Variants in GRAMD4 observed in about 807,000 individuals in gnomAD.
GRAMD4 encodes the protein GRAM domain containing 4.
A neutral mutation model predicts 83.9 loss-of-function variants in GRAMD4; 25 were observed. That is an observed-to-expected ratio of 0.30 (90% CI 0.22 to 0.42). The LOEUF (loss-of-function observed/expected upper bound fraction) is 0.42. Ranked by LOEUF, GRAMD4 falls within the 10% of genes least tolerant of loss-of-function variation. GRAMD4 has a pLI of 1.00. For missense variants in GRAMD4, 593 were observed against 788.7 expected, an observed-to-expected ratio of 0.75 and a Z score of 2.97; for synonymous variants, 336 against 320.9, an observed-to-expected ratio of 1.05 and a Z score of -0.50.
chr22:46,668,237 G>T, intron 11 of GRAMD4, 70 bp downstream of exon 11: 1 of 1,092,142 alleles, frequency 9.2e-7, no homozygotes, highest in Non-Finnish European at 1.4e-6. Flanking sequence ...GTGTGTCTAC[G>T]CCGGCCAGGG....
chr22:46,641,802 C>A (rs1269557692), intron 3 of GRAMD4, among the ~76,000 whole-genome samples: 1 of 152,212 alleles, frequency 6.6e-6, no homozygotes. Context: ...TGGTCATTTT[C>A]TACTTCCGCT....
rs188439208 is a variant in GRAMD4, at chr22:46,649,368, C to G, written c.284-8819C>G. On this transcript the variant is annotated intron_variant, in intron 3 of 18. Transcript: ENST00000406902. The stretch of plus-strand genomic sequence containing the variant: ...GGGATGGCACGTGCTGTCGAGCACA[C>G]GACTCTCCTGGCTCCGTGCTGGGCC... Among the ~76,000 whole-genome samples the G allele has an allele frequency of 4.0e-4, 61 of 152,284 alleles. No individual in the cohort carries two copies. In the South Asian group the frequency reaches 0.012, roughly 31 times the overall value.
At position 46,665,645 on chromosome 22, in the gene GRAMD4, G is replaced by A; in HGVS notation, c.748G>A (p.Ala250Thr). 1 of 1,605,178 alleles carries A rather than the reference G, an allele frequency of 6.2e-7. No individual in the cohort carries two copies. Among genetic ancestry groups the A allele is most frequent in the Non-Finnish European group, 8.5e-7 (1 of 1,172,536 alleles). ...VYMNAVWHGWAIPLFLFLAIL... is the reference protein window; with the variant it reads ...VYMNAVWHGWTIPLFLFLAIL... ...CATGAATGCCGTGTGGCATGGCTGGGCCATCCCATTGTTCTTATTTCTAGC... is the reference window on the plus strand; with the variant it reads ...CATGAATGCCGTGTGGCATGGCTGGACCATCCCATTGTTCTTATTTCTAGC... The change falls in exon 9 of 19, where the codon GCC (alanine) becomes ACC (threonine). Residue 250 changes from alanine to threonine, a missense_variant. Physicochemically the swap from Ala to Thr is moderately conservative, Grantham distance 58 (BLOSUM62 0). Around this residue, in one of 4 missense-constraint regions of GRAMD4, gnomAD observed 312 missense variants for 350.7 expected, o/e 0.89. Coordinates refer to ENST00000406902, the MANE Select transcript of GRAMD4 (RefSeq NM_015124.5).
At chr22:46,585,593 C>T (rs1324172924) in intron 1 of GRAMD4, among the ~76,000 whole-genome samples, 1 of 152,268 alleles carries the variant, frequency 6.6e-6, no homozygotes, top group Admixed American at 6.5e-5. Flanking sequence ...GACTTTCACC[C>T]TTGTGTTCGC....
chr22:46,669,444 C>T (rs371303383), intron 13 of GRAMD4, among the ~76,000 whole-genome samples: 2 of 111,930 alleles, frequency 1.8e-5, no homozygotes, highest in African/African-American at 8.3e-5. Flanking sequence ...GGTGTGGTGG[C>T]CCCCCCTCAC....
intron 2 of GRAMD4, 146 bp from the exon 3 acceptor site, chr22:46,637,694 C>T: frequency 1.3e-6 from 1 of 768,580 alleles, no homozygotes; most frequent in East Asian, 2.7e-5. Flanking sequence ...CTGCGTCGTC[C>T]CCATGTCCAG....
intron 1 of GRAMD4, among the ~76,000 whole-genome samples, chr22:46,624,345 T>C (rs1007464350): frequency 8.7e-5 from 12 of 137,900 alleles, no homozygotes; most frequent in African/African-American, 3.1e-4. Context: ...TTTTTTTTTT[T>C]TTTTCTGAGA....
intron 4 of GRAMD4, among the ~76,000 whole-genome samples, chr22:46,660,351 G>A (rs1290122571): frequency 1.3e-5 from 2 of 152,112 alleles, no homozygotes; most frequent in Non-Finnish European, 2.9e-5. Flanking sequence ...AAGGAGGAGG[G>A]GTGAAGGAAG....
chr22:46,678,936 C>T lies in GRAMD4; in HGVS notation c.*1685C>T. The T allele has an allele frequency of 1.0e-6, 1 of 985,840 alleles. No individual in the cohort carries two copies. The highest frequency in any genetic ancestry group is 4.7e-5 in the South Asian group (1 of 21,290). 61.1% of individuals were successfully genotyped at this position (985,840 alleles called of 1,614,324 possible). ...TGCGCGGACGTTGGCGTCAGGATGA[C>T]CACACGGCGGCCTTTCCCGAATGGG... On this transcript the variant is annotated 3_prime_UTR_variant, in exon 19 of 19. Transcript: ENST00000406902.
At chr22:46,577,932 G>A (rs548951074) in intron 1 of GRAMD4, among the ~76,000 whole-genome samples, 46 of 152,338 alleles carry the variant, frequency 3.0e-4, no homozygotes, top group African/African-American at 1.0e-3. Flanking sequence ...GGCCCCACAT[G>A]TCTAGAGCAG....
chr22:46,655,129 A>G (rs565288869), intron 3 of GRAMD4, among the ~76,000 whole-genome samples: 2 of 152,284 alleles, frequency 1.3e-5, no homozygotes, highest in South Asian at 4.1e-4. Context: ...CAGGGCCAGC[A>G]CATGCAAAAG....
rs1057328060 is a variant in GRAMD4 at position 46,590,036 on chromosome 22, G to A, written c.-50+12746G>A. On this transcript the variant is annotated intron_variant, in intron 1 of 1. Coordinates refer to the GRAMD4 transcript ENST00000431155. ...ACTCCCACGGCAGTCTTGCAGGATG[G>A]GTCCTGGCCTGGTTGGGAGCCCTGA... Among the ~76,000 whole-genome samples the A allele has an allele frequency of 2.0e-5, 3 of 152,254 alleles. No individual in the cohort carries two copies. The East Asian group carries it at 5.8e-4, about 29-fold the overall frequency.
intron 2 of GRAMD4, among the ~76,000 whole-genome samples, chr22:46,627,954 T>A (rs1459769930): frequency 2.0e-5 from 3 of 151,946 alleles, no homozygotes; most frequent in Non-Finnish European, 2.9e-5. Flanking sequence ...GTCCTGGGGG[T>A]GGACCGGGAC....
intron 3 of GRAMD4, among the ~76,000 whole-genome samples, chr22:46,654,767 T>G (rs2082218166): frequency 6.6e-6 from 1 of 152,198 alleles, no homozygotes; most frequent in African/African-American, 2.4e-5. Flanking sequence ...GGTTTCTCCT[T>G]GGGCCAGGCT....
chr22:46,653,607 C>T (rs578214582), intron 3 of GRAMD4, among the ~76,000 whole-genome samples: 134 of 152,338 alleles, frequency 8.8e-4, no homozygotes, highest in African/African-American at 3.2e-3. Flanking sequence ...ACCTGGCTGG[C>T]TGCTGCCCTT....
Position 46,675,563 on chromosome 22 carries a change from C to T in GRAMD4, c.1563+11C>T, listed in dbSNP as rs1196710841. On this transcript the variant is annotated intron_variant, in intron 17 of 18. Transcript: ENST00000406902. ...ACGGACATCCAGAAGGTTGGTGCAC[C>T]TACCCACCCCCACTAACCCCCGTGT... 3.2e-6 allele frequency: 5 copies of T among 1,561,546 alleles called. No homozygotes were observed. Among genetic ancestry groups the T allele is most frequent in the Non-Finnish European group, 4.4e-6 (5 of 1,132,280 alleles).
chr22:46,666,492 C>T (rs137953292), intron 9 of GRAMD4, among the ~76,000 whole-genome samples: 1 of 152,012 alleles, frequency 6.6e-6, no homozygotes, highest in East Asian at 1.9e-4. Context: ...TGGAAGGTGT[C>T]GTTGGTACCC....
At chr22:46,641,908 C>A (rs901730105) in intron 3 of GRAMD4, among the ~76,000 whole-genome samples, 9 of 152,266 alleles carry the variant, frequency 5.9e-5, no homozygotes, top group Non-Finnish European at 1.2e-4. Context: ...AGACAAGGGG[C>A]AGGGTGCATG....
intron 13 of GRAMD4, among the ~76,000 whole-genome samples, chr22:46,670,382 A>AC (rs766120575): frequency 6.6e-6 from 1 of 152,050 alleles, no homozygotes; most frequent in Non-Finnish European, 1.5e-5. Flanking sequence ...TCAGACCCTT[A>AC]CCCCGACAAT....
Sources: allele counts gnomAD v4.1 joint callset (sites outside exome capture counted in the v4.1 genomes callset), GRCh38; gene constraint gnomAD v4.1.1; regional missense constraint gnomAD v4.1.1; transcripts MANE v1.5; gene names NCBI Gene and HGNC (gene_info 2026-07-23, HGNC 2026-07-21).